The following MPRIP variants were observed in gnomAD, a reference collection of about 807,000 sequenced individuals.
The protein encoded by MPRIP is myosin phosphatase Rho interacting protein.
A neutral mutation model predicts 234.9 loss-of-function variants in MPRIP; 59 were observed. The observed-to-expected ratio is 0.25, with a 90% CI of 0.20 to 0.31. The LOEUF (loss-of-function observed/expected upper bound fraction) is 0.31. Ranked by LOEUF, MPRIP falls within the 10% of genes least tolerant of loss-of-function variation. MPRIP has a pLI of 1.00. For synonymous variants in MPRIP, 1,144 were observed against 1,263.9 expected, an observed-to-expected ratio of 0.91 and a Z score of 2.01; for missense variants, 2,436 against 3,071.0, an observed-to-expected ratio of 0.79 and a Z score of 4.89.
Position 17,167,154 on chromosome 17 carries a change from A to T in MPRIP, c.5563A>T (p.Ile1855Phe). ...QAQVCYASCRIRLEYEKELQL... is the reference protein window; with the variant it reads ...QAQVCYASCRFRLEYEKELQL... Reference sequence around the variant, plus strand: ...CCAGGTTTGCTATGCGTCCTGCAGAATCCGGCTAGAATATGAGAAGGAGCT... The same window carrying T: ...CCAGGTTTGCTATGCGTCCTGCAGATTCCGGCTAGAATATGAGAAGGAGCT... Residue 1855 changes from isoleucine to phenylalanine, a missense_variant, in exon 16 of 24, where the codon ATC (isoleucine) becomes TTC (phenylalanine). Physicochemically the swap from Ile to Phe is conservative, Grantham distance 21. Coordinates refer to ENST00000651222, the MANE Select transcript of MPRIP (RefSeq NM_001364716.4). The surrounding 1 kb of genome is among the most constrained non-coding windows in gnomAD (Gnocchi z 5.9). 2 of 1,304,072 alleles carry T rather than the reference A, an allele frequency of 1.5e-6. No homozygotes were observed. The highest frequency in any genetic ancestry group is 4.3e-4 in the Middle Eastern group (2 of 4,696). 80.8% of individuals were successfully genotyped at this position (1,304,072 alleles called of 1,614,324 possible).
intron 1 of MPRIP, among the ~76,000 whole-genome samples, chr17:17,053,083 T>G (rs1447204802): frequency 6.6e-6 from 1 of 151,966 alleles, no homozygotes; most frequent in Admixed American, 6.6e-5. Flanking sequence ...GTGAGCCACT[T>G]GAGGCTCAGG....
intron 1 of MPRIP, among the ~76,000 whole-genome samples, chr17:17,053,806 A>G (rs552224290): frequency 6.6e-6 from 1 of 152,308 alleles, no homozygotes; most frequent in South Asian, 2.1e-4. Flanking sequence ...TCTCCCACTG[A>G]GCTGCTCTGC....
At chr17:17,175,477 C>G in intron 20 of MPRIP, 65 bp downstream of exon 20, 1 of 1,483,604 alleles carries the variant, frequency 6.7e-7, no homozygotes, top group Non-Finnish European at 9.0e-7. Flanking sequence ...GGGAGTGCAG[C>G]ATGGCCCCTG....
chr17:17,150,662 G>A (rs1244522384), intron 12 of MPRIP, among the ~76,000 whole-genome samples: 1 of 144,124 alleles, frequency 6.9e-6, no homozygotes, highest in Non-Finnish European at 1.5e-5. Flanking sequence ...AAAATCTTGT[G>A]AGGTACTCAG....
intron 3 of MPRIP, among the ~76,000 whole-genome samples, chr17:17,098,341 G>A (rs1023097581): frequency 6.6e-6 from 1 of 151,690 alleles, no homozygotes. Flanking sequence ...GCTCCAGAAG[G>A]CCCCTGCCTG....
At chr17:17,054,784 TCA>T (rs10565656) in intron 1 of MPRIP, among the ~76,000 whole-genome samples, 5,828 of 152,208 alleles carry the variant, frequency 0.038, 325 homozygotes, top group African/African-American at 0.12. Flanking sequence ...GTGCTGCGGC[TCA>T]CACCTGTTAT....
chr17:17,118,710 G>C (rs2090332547), intron 3 of MPRIP, among the ~76,000 whole-genome samples: 2 of 152,190 alleles, frequency 1.3e-5, no homozygotes, highest in South Asian at 4.1e-4. Flanking sequence ...ACACTTCTCT[G>C]AGTTGTGGCA....
At chr17:17,184,037 C>T (rs1002747441) in intron 23 of MPRIP, among the ~76,000 whole-genome samples, 1 of 152,168 alleles carries the variant, frequency 6.6e-6, no homozygotes, top group African/African-American at 2.4e-5. Flanking sequence ...ACTGGAATGC[C>T]CTTCATTTCC....
At position 17,188,590 on chromosome 17, in the gene MPRIP, C is replaced by T. The variant is rs976376473; in HGVS notation, c.*3696C>T. ...TGAAAGGAATACTGACAGATAAGGC[C>T]GGAAACAAAACTGATGGCTTGAAAA... On this transcript the variant is annotated 3_prime_UTR_variant, in exon 24 of 24. Transcript: ENST00000651222. 1.3e-5 allele frequency: 2 copies of T among 152,212 alleles called. No individual in the cohort carries two copies. Among genetic ancestry groups the T allele is most frequent in the Non-Finnish European group, 2.9e-5 (2 of 68,034 alleles). The allele number at this position is 152,212 out of a possible 1,614,324, so 9.4% of individuals were successfully genotyped here.
chr17:17,174,033 G>C lies in MPRIP; in HGVS notation c.6708G>C (p.Arg2236=), dbSNP rs1184854015. The part of the protein sequence containing the change: ...QALEAERQAL[R]QCQRENQELN... ...TGGAGGCCGAGCGGCAGGCCCTGCG[G>C]CAGTGCCAGCGTGAGAACCAGGAGC... The change falls in exon 19 of 24, where the codon CGG becomes CGC. Residue 2236 remains arginine (R), a synonymous_variant. Coordinates refer to ENST00000651222, the MANE Select transcript of MPRIP (RefSeq NM_001364716.4). The C allele has an allele frequency of 6.2e-7, 1 of 1,613,416 alleles. No individual in the cohort carries two copies.
rs1449271918 is a variant in MPRIP at position 17,190,684 on chromosome 17, C to T, written c.*5790C>T. On this transcript the variant is annotated 3_prime_UTR_variant, in exon 24 of 24. Transcript: ENST00000651222. ...AAATCCTTCAACAAAAGAAAAGGCT[C>T]TTGGCAGGGTAGGGGAGTCAGTAGC... The T allele has an allele frequency of 6.6e-6, 1 of 152,166 alleles. No individual in the cohort carries two copies. Among genetic ancestry groups the T allele is most frequent in the Non-Finnish European group, 1.5e-5 (1 of 68,028 alleles). The allele number at this position is 152,166 out of a possible 1,614,324, so 9.4% of individuals were successfully genotyped here. A position where few individuals can be genotyped will look rare whatever the true frequency, so the allele number is the denominator to read the frequency against.
chr17:17,084,458 CACAAT>C (rs2089538977), intron 3 of MPRIP, among the ~76,000 whole-genome samples: 1 of 152,222 alleles, frequency 6.6e-6, no homozygotes, highest in Non-Finnish European at 1.5e-5. Context: ...TCCTACTTCT[CACAAT>C]GGTAGATACC....
Position 17,143,604 on chromosome 17 carries a change from T to G in MPRIP, c.1438T>G (p.Ser480Ala). 2 of 1,603,614 alleles carry G rather than the reference T, an allele frequency of 1.2e-6. No individual in the cohort carries two copies. The highest frequency in any genetic ancestry group is 1.7e-6 in the Non-Finnish European group (2 of 1,175,556). Residue 480 changes from serine (S) to alanine (A), a missense_variant, in exon 9 of 24, where the codon TCC (serine) becomes GCC (alanine). Coordinates refer to ENST00000651222, the MANE Select transcript of MPRIP (RefSeq NM_001364716.4). ...PPAPLPDASA[S>A]PLSPHRRAKS... ...AGCTCCTCTCCCAGACGCCTCGGCT[T>G]CCCCCCTGTCTCCACACCGAAGAGC...
Position 17,171,943 on chromosome 17 carries a change from G to A in MPRIP, c.6472+78G>A, listed in dbSNP as rs143973994. The A allele has an allele frequency of 3.8e-4, 557 of 1,464,462 alleles. 1 individual carries two copies. The highest frequency in any genetic ancestry group is 2.7e-3 in the Middle Eastern group (15 of 5,570). 90.7% of individuals were successfully genotyped at this position (1,464,462 alleles called of 1,614,324 possible). Reference sequence around the variant, plus strand: ...GCTAGACACACAACTCAGAGGAATGGCAGCCTTTAAATTGCCTTTTGGCTG... The same window carrying A: ...GCTAGACACACAACTCAGAGGAATGACAGCCTTTAAATTGCCTTTTGGCTG... On this transcript the variant is annotated intron_variant, in intron 17 of 23. Coordinates refer to ENST00000651222, the MANE Select transcript of MPRIP (RefSeq NM_001364716.4).
chr17:17,124,234 G>GT (rs2090449393), intron 3 of MPRIP, among the ~76,000 whole-genome samples: 1 of 152,204 alleles, frequency 6.6e-6, no homozygotes, highest in Non-Finnish European at 1.5e-5. Flanking sequence ...CAATTACTGC[G>GT]TAAGAGGGAA....
At chr17:17,119,163 A>G (rs1035693398) in intron 3 of MPRIP, among the ~76,000 whole-genome samples, 1 of 152,152 alleles carries the variant, frequency 6.6e-6, no homozygotes, top group Non-Finnish European at 1.5e-5. Context: ...TCTGGAGCCA[A>G]TGTCCTGAAT....
At position 17,138,233 on chromosome 17, in the gene MPRIP, C is replaced by CGG. The variant is rs1230011304; in HGVS notation, c.1058_1059dup (p.Thr354GlyfsTer69). The CGG allele has an allele frequency of 1.6e-6, 1 of 637,002 alleles. No individual in the cohort carries two copies. The highest frequency in any genetic ancestry group is 1.9e-5 in the African/African-American group (1 of 52,484). 39.5% of individuals were successfully genotyped at this position (637,002 alleles called of 1,614,324 possible). ...CGTGGACTCTGGCAGCACTAGGGGG[C>CGG]GGGGGACAGAGAGACTGGGGAGCGC... On this transcript the variant is annotated frameshift_variant, in exon 7 of 24. Coordinates refer to ENST00000651222, the MANE Select transcript of MPRIP (RefSeq NM_001364716.4). LOFTEE classifies it high-confidence loss of function. The surrounding 1 kb of genome is among the most constrained non-coding windows in gnomAD (Gnocchi z 5.8).
intron 2 of MPRIP, among the ~76,000 whole-genome samples, chr17:17,076,842 T>G (rs1289161405): frequency 6.6e-6 from 1 of 151,980 alleles, no homozygotes; most frequent in East Asian, 1.9e-4. Flanking sequence ...TTTTTATAAA[T>G]GATAACCCTG....
At position 17,172,786 on chromosome 17, in the gene MPRIP, G is replaced by A. The variant is rs762837411; in HGVS notation, c.6561G>A (p.Ser2187=). 13 of 1,612,412 alleles carry A rather than the reference G, an allele frequency of 8.1e-6. No homozygotes were observed. The highest frequency in any genetic ancestry group is 4.4e-5 in the South Asian group (4 of 91,060). Reference sequence around the variant, plus strand: ...GGTCCCAGATCAGCAGCGTCAACTCGGATGTTGAGGCCCTGCGGCGCCAGT... The same window carrying A: ...GGTCCCAGATCAGCAGCGTCAACTCAGATGTTGAGGCCCTGCGGCGCCAGT... The part of the protein sequence containing the change: ...SQRSQISSVN[S]DVEALRRQYL... The change falls in exon 18 of 24, where the codon TCG becomes TCA. Residue 2187 remains serine, a synonymous_variant. Coordinates refer to ENST00000651222, the MANE Select transcript of MPRIP (RefSeq NM_001364716.4).
Sources: allele counts gnomAD v4.1 joint callset (sites outside exome capture counted in the v4.1 genomes callset), GRCh38; gene constraint gnomAD v4.1.1; non-coding constraint Gnocchi (gnomAD v3.1); transcripts MANE v1.5; gene names NCBI Gene and HGNC (gene_info 2026-07-23, HGNC 2026-07-21).